Variants in SLCO1A2 observed in about 807,000 individuals in gnomAD.
The protein encoded by SLCO1A2 is OATP-1.
SLCO1A2 carries 67 observed loss-of-function variants against 69.0 expected under a neutral mutation model. The observed-to-expected ratio is 0.97, with a 90% confidence interval of 0.80 to 1.19. The LOEUF (loss-of-function observed/expected upper bound fraction) is 1.19, where lower values mean the gene tolerates loss of function less well. Among genes scored for constraint, SLCO1A2 ranks in the 50% most tolerant of loss-of-function variants. The pLI is 0.00. For missense variants in SLCO1A2, 787 were observed against 793.7 expected (o/e 0.99, Z 0.10); for synonymous variants, 260 against 265.9 (o/e 0.98, Z 0.22).
At chr12:21,295,405 C>A in intron 10 of SLCO1A2, 192 bp downstream of exon 10, 1 of 541,894 alleles carries the variant, frequency 1.8e-6, no homozygotes, top group Non-Finnish European at 3.3e-6. Context: ...GTGATATGTT[C>A]CCAACCTCAT....
At chr12:21,271,475 A>T (rs1942822522) in intron 14 of SLCO1A2, among the ~76,000 whole-genome samples, 1 of 151,646 alleles carries the variant, frequency 6.6e-6, no homozygotes, top group East Asian at 1.9e-4. Flanking sequence ...GAAATATATC[A>T]ATATGTAAAT....
intron 1 of SLCO1A2, among the ~76,000 whole-genome samples, chr12:21,387,591 T>C (rs1434068991): frequency 6.6e-6 from 1 of 152,176 alleles, no homozygotes; most frequent in Admixed American, 6.5e-5. Flanking sequence ...TTTGGGAACC[T>C]CCACCTAGAT....
At chr12:21,402,181 T>C (rs1377819067) in intron 1 of SLCO1A2, among the ~76,000 whole-genome samples, 2 of 146,630 alleles carry the variant, frequency 1.4e-5, no homozygotes, top group Admixed American at 6.8e-5. Context: ...AATTGTGGAG[T>C]CTACTTCTTT....
chr12:21,374,434 T>C (rs1422935009), exon 2 of SLCO1A2: 1 of 152,168 alleles, frequency 6.6e-6, no homozygotes, highest in Non-Finnish European at 1.5e-5. Flanking sequence ...TTATAATTCT[T>C]CTCATTAGAA....
chr12:21,316,074 T>C (rs1398665157), intron 3 of SLCO1A2, among the ~76,000 whole-genome samples: 1 of 152,174 alleles, frequency 6.6e-6, no homozygotes, highest in African/African-American at 2.4e-5. Context: ...CCACTAGTGG[T>C]AGAAATTGTT....
intron 1 of SLCO1A2, among the ~76,000 whole-genome samples, chr12:21,385,067 AT>A (rs1429247372): frequency 6.6e-6 from 1 of 151,956 alleles, no homozygotes; most frequent in African/African-American, 2.4e-5. Context: ...GCCCGGCCAG[AT>A]TTTTTTTAAA....
At chr12:21,402,993 T>G (rs1169243954) in intron 1 of SLCO1A2, among the ~76,000 whole-genome samples, 1 of 152,094 alleles carries the variant, frequency 6.6e-6, no homozygotes, top group Admixed American at 6.6e-5. Context: ...TGTTCTGAGA[T>G]TTCCAGAGAG....
intron 1 of SLCO1A2, among the ~76,000 whole-genome samples, chr12:21,389,621 C>G (rs572934228): frequency 4.6e-5 from 7 of 151,852 alleles, no homozygotes; most frequent in South Asian, 2.1e-4. Context: ...ATAGCAAAAT[C>G]AAAGATTTTT....
At chr12:21,286,640 C>A (rs113287294) in intron 12 of SLCO1A2, among the ~76,000 whole-genome samples, 1 of 124,878 alleles carries the variant, frequency 8.0e-6, no homozygotes, top group Non-Finnish European at 1.6e-5. Context: ...CAAAACAGCA[C>A]GGTACTGGTA....
At chr12:21,400,590 C>A (rs1205112336) in intron 1 of SLCO1A2, among the ~76,000 whole-genome samples, 1 of 142,820 alleles carries the variant, frequency 7.0e-6, no homozygotes, top group African/African-American at 2.6e-5. Flanking sequence ...ATGTTTATTG[C>A]GGCTCTATTC....
chr12:21,363,078 A>T lies in SLCO1A2; in HGVS notation c.-63+11321T>A, dbSNP rs192766103. Among the ~76,000 whole-genome samples the T allele has an allele frequency of 5.3e-3, 813 of 152,250 alleles. 3 individuals carry two copies. The highest frequency in any genetic ancestry group is 8.4e-3 in the Non-Finnish European group (568 of 68,016). On this transcript the variant is annotated intron_variant, in intron 2 of 15. Coordinates refer to the SLCO1A2 transcript ENST00000307378. ...CATCTACAGAACTCTCCACCCCAAA[A>T]CAACAGAATATACATTCTTCTCAGC...
intron 2 of SLCO1A2, among the ~76,000 whole-genome samples, chr12:21,352,465 T>C (rs1304385558): frequency 6.6e-6 from 1 of 152,238 alleles, no homozygotes; most frequent in Admixed American, 6.5e-5. Context: ...AATCCTCTAA[T>C]TGAACATTTA....
chr12:21,320,099 C>T (rs553984203), intron 2 of SLCO1A2, among the ~76,000 whole-genome samples: 6 of 152,126 alleles, frequency 3.9e-5, no homozygotes, highest in South Asian at 4.1e-4. Flanking sequence ...ACACTTGCAA[C>T]CTGGGAGACC....
chr12:21,360,720 T>C (rs1304315888), intron 2 of SLCO1A2, among the ~76,000 whole-genome samples: 4 of 152,130 alleles, frequency 2.6e-5, no homozygotes, highest in African/African-American at 9.7e-5. Flanking sequence ...CCTTAGCAAA[T>C]GGCACACCAG....
chr12:21,399,864 C>G (rs1591917975), upstream of SLCO1A2, among the ~76,000 whole-genome samples: 1 of 146,608 alleles, frequency 6.8e-6, no homozygotes, highest in Admixed American at 6.9e-5. Flanking sequence ...ACACCTTATA[C>G]AAAAATCAAT....
intron 12 of SLCO1A2, among the ~76,000 whole-genome samples, chr12:21,284,804 CCAA>C (rs1238262737): frequency 1.1e-3 from 51 of 46,442 alleles, no homozygotes; most frequent in African/African-American, 4.8e-3. Flanking sequence ...TTCTTTGAAA[CCAA>C]CGAGAACAAA....
At chr12:21,316,808 A>G (rs1284134765) in intron 3 of SLCO1A2, among the ~76,000 whole-genome samples, 1 of 152,174 alleles carries the variant, frequency 6.6e-6, no homozygotes, top group Non-Finnish European at 1.5e-5. Flanking sequence ...CAATAGCTCC[A>G]GCCCAGATAG....
intron 2 of SLCO1A2, among the ~76,000 whole-genome samples, chr12:21,372,254 C>T (rs1437473636): frequency 6.6e-6 from 1 of 152,122 alleles, no homozygotes; most frequent in Admixed American, 6.6e-5. Flanking sequence ...ACCTATGGAT[C>T]TCTATCTAAG....
At chr12:21,381,278 C>A (rs866910469) in intron 1 of SLCO1A2, among the ~76,000 whole-genome samples, 132 of 152,048 alleles carry the variant, frequency 8.7e-4, no homozygotes, top group African/African-American at 3.1e-3. Flanking sequence ...CGATAAAGAA[C>A]TAGTATCCAG....
Sources: allele counts gnomAD v4.1 joint callset (sites outside exome capture counted in the v4.1 genomes callset), GRCh38; gene constraint gnomAD v4.1.1; transcripts MANE v1.5; gene names NCBI Gene and HGNC (gene_info 2026-07-23, HGNC 2026-07-21).